DGKI: variants seen among roughly 807,000 people sequenced by gnomAD.
DGKI encodes the protein DAG kinase iota.
DGKI carries 55 observed loss-of-function variants against 147.5 expected under a neutral mutation model. That is an observed-to-expected ratio of 0.37 (90% CI 0.30 to 0.47). The LOEUF (loss-of-function observed/expected upper bound fraction) is 0.47, where lower values mean the gene tolerates loss of function less well. Ranked by LOEUF, DGKI falls within the 20% of genes least tolerant of loss-of-function variation. The pLI is 1.00. For missense variants in DGKI, 1,007 were observed against 1,323.8 expected (o/e 0.76, Z 3.71); for synonymous variants, 469 against 477.1 (o/e 0.98, Z 0.22).
At position 137,386,845 on chromosome 7, in the gene DGKI, TAA is replaced by T. The variant is rs1189346468; in HGVS notation, c.*4373_*4374del. The T allele has an allele frequency of 6.6e-6, 1 of 152,174 alleles. No homozygotes were observed. The highest frequency in any genetic ancestry group is 1.5e-5 in the Non-Finnish European group (1 of 68,006). The allele number at this position is 152,174 out of a possible 1,614,324, so 9.4% of individuals were successfully genotyped here. On this transcript the variant is annotated 3_prime_UTR_variant, in exon 33 of 33. Coordinates refer to ENST00000614521, the MANE Select transcript of DGKI (RefSeq NM_001321708.2). ...GATGCAGGCAGAAGCCATTTTATAT[TAA>T]ATAAGTGTTAAAGATTAATCAGAAA...
intron 21 of DGKI, among the ~76,000 whole-genome samples, chr7:137,516,907 C>A (rs1392952229): frequency 6.6e-6 from 1 of 151,740 alleles, no homozygotes; most frequent in East Asian, 1.9e-4. Flanking sequence ...GTGACTTATT[C>A]CTAAAGAATA....
At chr7:137,563,490 ACT>A (rs1238283842) in intron 19 of DGKI, among the ~76,000 whole-genome samples, 1 of 151,950 alleles carries the variant, frequency 6.6e-6, no homozygotes, top group Non-Finnish European at 1.5e-5. Context: ...AAACAGTAAA[ACT>A]CTATTTCAAA....
At chr7:137,600,166 C>A (rs1047792451) in intron 10 of DGKI, among the ~76,000 whole-genome samples, 18 of 151,866 alleles carry the variant, frequency 1.2e-4, no homozygotes, top group Admixed American at 2.0e-4. Context: ...TGTCTTTAGT[C>A]CCAGCTGAGG....
chr7:137,419,356 C>T (rs989894629), intron 28 of DGKI, among the ~76,000 whole-genome samples: 2 of 152,226 alleles, frequency 1.3e-5, no homozygotes, highest in African/African-American at 2.4e-5. Flanking sequence ...TTATTCAATC[C>T]GTTACTTCTT....
intron 28 of DGKI, among the ~76,000 whole-genome samples, chr7:137,426,544 TAAC>T (rs1489694336): frequency 4.6e-5 from 7 of 152,104 alleles, no homozygotes; most frequent in Admixed American, 1.3e-4. Context: ...ACTTCACACA[TAAC>T]AACATTAACT....
chr7:137,536,388 A>G (rs1365131272), intron 20 of DGKI, among the ~76,000 whole-genome samples: 1 of 152,138 alleles, frequency 6.6e-6, no homozygotes, highest in Admixed American at 6.6e-5. Flanking sequence ...GACTAAATGT[A>G]AAAATCCACT....
intron 1 of DGKI, among the ~76,000 whole-genome samples, chr7:137,728,838 T>A (rs1048439496): frequency 2.6e-5 from 4 of 152,134 alleles, no homozygotes; most frequent in African/African-American, 9.7e-5. Context: ...CTATTCTATA[T>A]CTTCAAGGTG....
intron 1 of DGKI, among the ~76,000 whole-genome samples, chr7:137,841,554 C>A (rs1798544346): frequency 6.6e-6 from 1 of 152,170 alleles, no homozygotes; most frequent in Admixed American, 6.5e-5. Context: ...AATAATTAGT[C>A]TCCACAGGAT....
At chr7:137,522,453 G>C (rs1190397745) in intron 20 of DGKI, among the ~76,000 whole-genome samples, 3 of 152,030 alleles carry the variant, frequency 2.0e-5, no homozygotes. Context: ...GACCGAAGTA[G>C]CTCTACACAG....
chr7:137,471,921 T>C (rs1369032731), intron 23 of DGKI, among the ~76,000 whole-genome samples: 2 of 142,186 alleles, frequency 1.4e-5, no homozygotes, highest in African/African-American at 5.2e-5. Flanking sequence ...TCTCTATATG[T>C]ATATATGTAT....
intron 15 of DGKI, 70 bp downstream of exon 15, chr7:137,581,780 A>T: frequency 7.4e-7 from 1 of 1,345,792 alleles, no homozygotes; most frequent in South Asian, 1.2e-5. Context: ...ATATACAAAC[A>T]AAAGGGAACA....
intron 2 of DGKI, among the ~76,000 whole-genome samples, chr7:137,686,439 G>A (rs1258983961): frequency 1.3e-5 from 2 of 152,186 alleles, no homozygotes; most frequent in Admixed American, 6.5e-5. Flanking sequence ...CTGTGCACAG[G>A]CAGCCTCAGT....
intron 1 of DGKI, among the ~76,000 whole-genome samples, chr7:137,716,683 T>C (rs1201677344): frequency 6.6e-6 from 1 of 152,184 alleles, no homozygotes; most frequent in Non-Finnish European, 1.5e-5. Flanking sequence ...GGTTCTCTCC[T>C]CAAGTCCCAA....
chr7:137,541,807 G>A (rs936647222), intron 20 of DGKI, among the ~76,000 whole-genome samples: 15 of 151,864 alleles, frequency 9.9e-5, no homozygotes, highest in Non-Finnish European at 2.1e-4. Context: ...AAACTTTAGG[G>A]AGAAAGCAAA....
Position 137,638,571 on chromosome 7 carries a change from T to C in DGKI, c.804+6901A>G, listed in dbSNP as rs113449267. Among the ~76,000 whole-genome samples, 7 of 97,906 alleles carry C rather than the reference T, an allele frequency of 7.1e-5. No homozygotes were observed. The East Asian group carries it at 1.9e-3, about 27-fold the overall frequency. 64.2% of individuals were successfully genotyped at this position (97,906 alleles called of 152,430 possible). A position where few individuals can be genotyped will look rare whatever the true frequency, so the allele number is the denominator to read the frequency against. Reference sequence around the variant, plus strand: ...ATATGTGTGTATATATATACACACATATATGTATATATACACATATATACA... The same window carrying C: ...ATATGTGTGTATATATATACACACACATATGTATATATACACATATATACA... On this transcript the variant is annotated intron_variant, in intron 6 of 32. Coordinates refer to ENST00000614521, the MANE Select transcript of DGKI (RefSeq NM_001321708.2).
chr7:137,765,944 A>G (rs970580557), intron 1 of DGKI, among the ~76,000 whole-genome samples: 1 of 152,216 alleles, frequency 6.6e-6, no homozygotes, highest in African/African-American at 2.4e-5. Flanking sequence ...AGGCATTTAA[A>G]TCAGTATGGC....
Position 137,391,289 on chromosome 7 carries a change from C to G in DGKI, c.3105G>C (p.Leu1035Phe). Residue 1035 changes from leucine (L) to phenylalanine (F), a missense_variant, in exon 33 of 33, where the codon TTG becomes TTC. Physicochemically the swap from Leu to Phe is conservative, Grantham distance 22. Coordinates refer to ENST00000614521, the MANE Select transcript of DGKI (RefSeq NM_001321708.2). Reference sequence around the variant, plus strand: ...TCTGACGGCTTTCTAGGTAAGCAGCCAAGTCTGGGTCCCCAGCCTGCTGTG... The same window carrying G: ...TCTGACGGCTTTCTAGGTAAGCAGCGAAGTCTGGGTCCCCAGCCTGCTGTG... ...ERAQQAGDPD[L>F]AAYLESRQNY... is the part of the protein sequence containing the mutation. 6.2e-7 allele frequency: 1 copy of G among 1,613,248 alleles called. No homozygotes were observed. The highest frequency in any genetic ancestry group is 1.3e-5 in the African/African-American group (1 of 74,876).
chr7:137,691,974 G>A (rs1261335393), intron 1 of DGKI, among the ~76,000 whole-genome samples: 1 of 151,752 alleles, frequency 6.6e-6, no homozygotes, highest in African/African-American at 2.4e-5. Context: ...CCCCGAAAGG[G>A]TCATTATGAA....
At position 137,538,154 on chromosome 7, in the gene DGKI, C is replaced by A. The variant is rs181108152; in HGVS notation, c.2147+14215G>T. ...TGGCCAGAGGCATGCAAACATTTAG[C>A]CATCTATGGCTAATTTATGTTTTCT... On this transcript the variant is annotated intron_variant, in intron 20 of 32. Coordinates refer to ENST00000614521, the MANE Select transcript of DGKI (RefSeq NM_001321708.2). Among the ~76,000 whole-genome samples the A allele has an allele frequency of 3.5e-3, 537 of 152,268 alleles. 17 individuals are homozygous for A. The highest frequency in any genetic ancestry group is 0.024 in the Admixed American group (371 of 15,294).
Sources: gnomAD v4.1 joint callset for allele counts (sites outside exome capture counted in the v4.1 genomes callset) on GRCh38, gnomAD v4.1.1 for gene constraint, MANE v1.5 for transcripts, NCBI Gene and HGNC (gene_info 2026-07-23, HGNC 2026-07-21) for gene names.